DIAPH2: variants seen among roughly 807,000 people sequenced by gnomAD.
DIAPH2 encodes diaphanous related formin 2, also known as protein diaphanous homolog 2.
Under a neutral mutation model 92.7 loss-of-function variants are expected in DIAPH2, and 35 were observed. That is an observed-to-expected ratio of 0.38 (90% confidence interval 0.29 to 0.50). The LOEUF is 0.50. Among genes scored for constraint, DIAPH2 ranks in the 20% least tolerant of loss-of-function variants. DIAPH2 has a pLI of 0.94. For missense variants in DIAPH2, 701 were observed against 819.5 expected, an observed-to-expected ratio of 0.86 and a Z score of 1.77; for synonymous variants, 301 against 280.4, an observed-to-expected ratio of 1.07 and a Z score of -0.73.
At chrX:96,882,203 A>G (rs932217116) in intron 5 of DIAPH2, among the ~76,000 whole-genome samples, 1 of 109,534 alleles carries the variant, frequency 9.1e-6, no homozygotes, top group East Asian at 2.9e-4. Flanking sequence ...GGCACGCACC[A>G]TCATGCCTGG....
intron 22 of DIAPH2, among the ~76,000 whole-genome samples, chrX:97,155,331 T>C (rs1261197560): frequency 9.1e-6 from 1 of 109,982 alleles, no homozygotes; most frequent in African/African-American, 3.3e-5. Context: ...TAAAACCCCG[T>C]CTCTACGAAA....
At chrX:97,275,824 T>A (rs1488841098) in intron 23 of DIAPH2, among the ~76,000 whole-genome samples, 1 of 110,217 alleles carries the variant, frequency 9.1e-6, no homozygotes, top group Non-Finnish European at 1.9e-5. Context: ...GCTCCTCACA[T>A]CTCAGATGAT....
intron 17 of DIAPH2, among the ~76,000 whole-genome samples, chrX:97,008,699 G>A (rs1373728131): frequency 9.0e-6 from 1 of 111,532 alleles, no homozygotes; most frequent in African/African-American, 3.3e-5. Flanking sequence ...CTGCCTTGGT[G>A]GTATTGGATA....
intron 2 of DIAPH2, among the ~76,000 whole-genome samples, chrX:96,737,816 T>C (rs1192200995): frequency 8.9e-6 from 1 of 111,904 alleles, no homozygotes; most frequent in Non-Finnish European, 1.9e-5. Flanking sequence ...AAAGCCGATG[T>C]TTTTATCTTT....
chrX:97,562,379 G>A lies in DIAPH2; in HGVS notation c.3242-36874G>A, dbSNP rs181517213. Among the ~76,000 whole-genome samples the A allele has an allele frequency of 6.3e-3, 691 of 109,316 alleles. 5 individuals are homozygous for A. Among genetic ancestry groups the A allele is most frequent in the African/African-American group, 0.022 (665 of 29,956 alleles). The allele number at this position is 109,316 out of a possible 115,157, so 94.9% of individuals were successfully genotyped here. A position where few individuals can be genotyped will look rare whatever the true frequency, so the allele number is the denominator to read the frequency against. On this transcript the variant is annotated intron_variant, in intron 26 of 26. Coordinates refer to ENST00000324765, the MANE Select transcript of DIAPH2 (RefSeq NM_006729.5). Reference sequence around the variant, plus strand: ...AAATTAGCTGGGCATGGTGGCGTGCGCCTGTAGTCCCAGCTACTCGGGAGG... The same window carrying A: ...AAATTAGCTGGGCATGGTGGCGTGCACCTGTAGTCCCAGCTACTCGGGAGG...
chrX:97,131,553 T>TA (rs963275276), intron 21 of DIAPH2, among the ~76,000 whole-genome samples: 89 of 110,291 alleles, frequency 8.1e-4, no homozygotes, highest in Non-Finnish European at 1.3e-3. Context: ...GCTATGTACA[T>TA]AAAAAAAAAT....
intron 23 of DIAPH2, among the ~76,000 whole-genome samples, chrX:97,344,141 C>G (rs1457043298): frequency 8.9e-6 from 1 of 112,318 alleles, no homozygotes; most frequent in Admixed American, 9.5e-5. Context: ...AGATTATAAA[C>G]TTCTTCAGGG....
At chrX:97,262,092 T>TAA (rs35665297) in intron 23 of DIAPH2, among the ~76,000 whole-genome samples, 18 of 60,526 alleles carry the variant, frequency 3.0e-4, no homozygotes, top group African/African-American at 1.2e-3. Context: ...GATGAGAAAC[T>TAA]AAAAAAAAAA....
At chrX:97,053,848 T>C (rs1431001002) in intron 17 of DIAPH2, among the ~76,000 whole-genome samples, 1 of 111,877 alleles carries the variant, frequency 8.9e-6, no homozygotes, top group African/African-American at 3.2e-5. Context: ...TATATGTGAT[T>C]TTTGATTTTT....
intron 19 of DIAPH2, among the ~76,000 whole-genome samples, chrX:97,078,821 G>A (rs760276312): frequency 9.0e-6 from 1 of 111,293 alleles, no homozygotes; most frequent in South Asian, 3.8e-4. Flanking sequence ...AAGTGTTCTA[G>A]ACTTTGAAAC....
At chrX:97,086,626 C>A (rs2066784993) in intron 19 of DIAPH2, among the ~76,000 whole-genome samples, 1 of 109,494 alleles carries the variant, frequency 9.1e-6, no homozygotes, top group Non-Finnish European at 1.9e-5. Context: ...TATATCAAAA[C>A]ATCATTTTGT....
chrX:97,418,284 A>T (rs2069969735), intron 25 of DIAPH2, among the ~76,000 whole-genome samples: 1 of 112,204 alleles, frequency 8.9e-6, no homozygotes, highest in African/African-American at 3.2e-5. Flanking sequence ...GAACATTAGG[A>T]TTCAAAAGTT....
At chrX:97,357,250 C>G (rs1156265329) in intron 24 of DIAPH2, among the ~76,000 whole-genome samples, 2 of 111,906 alleles carry the variant, frequency 1.8e-5, no homozygotes, top group Non-Finnish European at 3.8e-5. Context: ...CTGTTTCAAC[C>G]TAAGCATGAA....
chrX:96,795,924 T>C (rs941708245), intron 4 of DIAPH2, among the ~76,000 whole-genome samples: 2 of 111,371 alleles, frequency 1.8e-5, no homozygotes, highest in Non-Finnish European at 3.8e-5. Context: ...TGCATTTACA[T>C]TTCATGCAGT....
chrX:97,326,387 C>T lies in DIAPH2; in HGVS notation c.2845-21729C>T, dbSNP rs148494295. ...CCATATATTATTAACATCAAAATAACTCAGAAGAAAAGCTCCTAATTAAAG... is the reference window on the plus strand; with the variant it reads ...CCATATATTATTAACATCAAAATAATTCAGAAGAAAAGCTCCTAATTAAAG... On this transcript the variant is annotated intron_variant, in intron 23 of 26. Coordinates refer to ENST00000324765, the MANE Select transcript of DIAPH2 (RefSeq NM_006729.5). Among the ~76,000 whole-genome samples the T allele has an allele frequency of 6.5e-3, 723 of 111,913 alleles. 2 individuals carry two copies. The highest frequency in any genetic ancestry group is 0.022 in the African/African-American group (677 of 30,852).
chrX:97,300,747 A>C (rs2068688640), intron 23 of DIAPH2, among the ~76,000 whole-genome samples: 2 of 88,723 alleles, frequency 2.3e-5, no homozygotes, highest in Non-Finnish European at 4.5e-5. Flanking sequence ...CCTGGCTAAC[A>C]CGGTGAAACC....
intron 9 of DIAPH2, among the ~76,000 whole-genome samples, chrX:96,927,016 G>T (rs1455189298): frequency 9.0e-6 from 1 of 111,174 alleles, no homozygotes; most frequent in Non-Finnish European, 1.9e-5. Flanking sequence ...CAATTCAAGG[G>T]CATTTGTTTT....
intron 1 of DIAPH2, among the ~76,000 whole-genome samples, chrX:96,689,878 A>G (rs1168285029): frequency 9.0e-6 from 1 of 111,289 alleles, no homozygotes; most frequent in African/African-American, 3.3e-5. Context: ...GTGCAAAACT[A>G]TTCAGTAAAT....
At position 96,705,488 on chromosome X, in the gene DIAPH2, G is replaced by A. The variant is rs2063880559; in HGVS notation, c.132+20298G>A. ...TTGCTTTTACAAGAGTTAATACAGG[G>A]TTACCGCAGCCAACTCCTTTCTTCT... is the stretch of plus-strand genomic sequence containing the variant. On this transcript the variant is annotated intron_variant, in intron 1 of 26. Transcript: ENST00000324765. 4.5e-5 allele frequency among the ~76,000 whole-genome samples: 5 copies of A among 112,170 alleles called. No individual in the cohort carries two copies. The South Asian group carries it at 1.5e-3, about 33-fold the overall frequency.
Sources: gnomAD v4.1 joint callset for allele counts (sites outside exome capture counted in the v4.1 genomes callset) on GRCh38, gnomAD v4.1.1 for gene constraint, MANE v1.5 for transcripts, NCBI Gene and HGNC (gene_info 2026-07-23, HGNC 2026-07-21) for gene names.